Variants in VPS41 observed in about 807,000 individuals in gnomAD.
VPS41 encodes the protein VPS41 subunit of HOPS complex.
Under a neutral mutation model 130.9 loss-of-function variants are expected in VPS41, and 85 were observed. The observed-to-expected ratio is 0.65, with a 90% CI of 0.55 to 0.78. The LOEUF is 0.78. Ranked by LOEUF, VPS41 falls within the 30% of genes least tolerant of loss-of-function variation. VPS41 has a pLI of 0.00. For missense variants in VPS41, 874 were observed against 1,018.7 expected (o/e 0.86, Z 1.93); for synonymous variants, 335 against 332.9 (o/e 1.01, Z -0.07).
intron 4 of VPS41, among the ~76,000 whole-genome samples, chr7:38,842,352 C>T (rs1363414157): frequency 6.6e-6 from 1 of 152,206 alleles, no homozygotes; most frequent in Non-Finnish European, 1.5e-5. Flanking sequence ...CCATTTTCCA[C>T]ACTGCTAATC....
At chr7:38,874,677 C>T (rs895037270) in intron 2 of VPS41, among the ~76,000 whole-genome samples, 7 of 152,092 alleles carry the variant, frequency 4.6e-5, no homozygotes, top group African/African-American at 7.2e-5. Flanking sequence ...CACACACAAA[C>T]ACACACAAAA....
At chr7:38,850,759 G>A (rs1785837121) in intron 4 of VPS41, among the ~76,000 whole-genome samples, 1 of 151,922 alleles carries the variant, frequency 6.6e-6, no homozygotes, top group Non-Finnish European at 1.5e-5. Flanking sequence ...CACATATACT[G>A]GCAAAGTATA....
chr7:38,905,461 TA>T (rs1386825316), intron 1 of VPS41, among the ~76,000 whole-genome samples: 1 of 152,222 alleles, frequency 6.6e-6, no homozygotes, highest in African/African-American at 2.4e-5. Context: ...TTTACCATAT[TA>T]GGCAAAAGCA....
At chr7:38,783,920 CAT>C (rs763195770) in intron 10 of VPS41, among the ~76,000 whole-genome samples, 25 of 152,282 alleles carry the variant, frequency 1.6e-4, no homozygotes, top group Non-Finnish European at 4.4e-5. Flanking sequence ...GTACCTCTGT[CAT>C]ATATGTTTAT....
chr7:38,740,574 T>C (rs1391295107), intron 25 of VPS41, among the ~76,000 whole-genome samples: 2 of 152,206 alleles, frequency 1.3e-5, no homozygotes, highest in South Asian at 2.1e-4. Flanking sequence ...ACTGGAAATA[T>C]ATGCCTATAT....
chr7:38,854,658 G>A (rs1785939474), intron 4 of VPS41, among the ~76,000 whole-genome samples: 1 of 152,148 alleles, frequency 6.6e-6, no homozygotes, highest in South Asian at 2.1e-4. Context: ...TGAAACTGCA[G>A]ATTTGGAACT....
At chr7:38,821,033 C>G (rs1584411969) in intron 6 of VPS41, among the ~76,000 whole-genome samples, 170 bp downstream of exon 6, 1 of 152,230 alleles carries the variant, frequency 6.6e-6, no homozygotes, top group South Asian at 2.1e-4. Context: ...TCACAAAATA[C>G]ACATTCTGTC....
chr7:38,760,462 C>T (rs1486101441), intron 17 of VPS41, among the ~76,000 whole-genome samples: 3 of 152,072 alleles, frequency 2.0e-5, no homozygotes, highest in African/African-American at 7.2e-5. Flanking sequence ...TTGACTTTTT[C>T]CCCACTTCTC....
chr7:38,858,613 TA>T (rs1786035587), intron 4 of VPS41, among the ~76,000 whole-genome samples: 1 of 152,060 alleles, frequency 6.6e-6, no homozygotes, highest in Non-Finnish European at 1.5e-5. Context: ...AACATTTAAA[TA>T]AAAAAAGATT....
At chr7:38,876,173 C>G (rs992010640) in intron 2 of VPS41, among the ~76,000 whole-genome samples, 2 of 152,152 alleles carry the variant, frequency 1.3e-5, no homozygotes, top group African/African-American at 4.8e-5. Flanking sequence ...ACAAGACACT[C>G]TCCCAGAACA....
intron 25 of VPS41, among the ~76,000 whole-genome samples, chr7:38,730,279 A>G (rs982015733): frequency 2.6e-5 from 4 of 152,224 alleles, no homozygotes; most frequent in Non-Finnish European, 4.4e-5. Flanking sequence ...CTGGGGAAGA[A>G]AAGTAAGGGA....
intron 7 of VPS41, among the ~76,000 whole-genome samples, chr7:38,816,927 TAGA>T (rs1785062132): frequency 6.6e-6 from 1 of 152,080 alleles, no homozygotes; most frequent in African/African-American, 2.4e-5. Context: ...CATTTTTTTG[TAGA>T]GTCGGTCTCA....
intron 2 of VPS41, among the ~76,000 whole-genome samples, chr7:38,885,149 C>T (rs141490425): frequency 1.2e-3 from 186 of 152,284 alleles, no homozygotes; most frequent in Middle Eastern, 3.4e-3. Flanking sequence ...TCTCGGCTCA[C>T]GGCAGCCTCC....
At chr7:38,770,269 C>CAA (rs5883660) in intron 14 of VPS41, among the ~76,000 whole-genome samples, 39 of 79,534 alleles carry the variant, frequency 4.9e-4, no homozygotes, top group African/African-American at 1.2e-3. Context: ...AACTCCGTCT[C>CAA]AAAAAAAAAA....
chr7:38,892,800 T>C (rs1786895011), intron 2 of VPS41, among the ~76,000 whole-genome samples: 1 of 152,174 alleles, frequency 6.6e-6, no homozygotes, highest in African/African-American at 2.4e-5. Context: ...TCACTGTTTA[T>C]ACTGGACTCA....
At chr7:38,748,814 C>T (rs907084175) in intron 22 of VPS41, among the ~76,000 whole-genome samples, 13 of 151,084 alleles carry the variant, frequency 8.6e-5, no homozygotes, top group African/African-American at 3.2e-4. Context: ...AATACAGAGC[C>T]TAAAATTAAG....
At chr7:38,833,302 A>G (rs754551133) in intron 4 of VPS41, among the ~76,000 whole-genome samples, 6 of 152,174 alleles carry the variant, frequency 3.9e-5, no homozygotes, top group Non-Finnish European at 7.3e-5. Flanking sequence ...GCACAGTGAC[A>G]CTATGTTAAC....
chr7:38,734,047 C>T (rs1263438198), intron 25 of VPS41, among the ~76,000 whole-genome samples: 6 of 152,170 alleles, frequency 3.9e-5, no homozygotes, highest in Non-Finnish European at 8.8e-5. Flanking sequence ...GACTGCACCA[C>T]TGCCATGCTC....
At chr7:38,770,209 C>T (rs4515457) in intron 14 of VPS41, among the ~76,000 whole-genome samples, 1,729 of 149,846 alleles carry the variant, frequency 0.012, 41 homozygotes, top group African/African-American at 0.039. Flanking sequence ...GCAGAGGTTG[C>T]GGTGAACCAA....
Sources: allele counts gnomAD v4.1 joint callset (sites outside exome capture counted in the v4.1 genomes callset), GRCh38; gene constraint gnomAD v4.1.1; transcripts MANE v1.5; gene names NCBI Gene and HGNC (gene_info 2026-07-23, HGNC 2026-07-21).